The following RUNDC3B variants were observed in gnomAD, a reference collection of about 807,000 sequenced individuals.
RUNDC3B encodes RUN domain-containing protein 3B.
Under a neutral mutation model 58.4 loss-of-function variants are expected in RUNDC3B, and 33 were observed. The observed-to-expected ratio is 0.56, with a 90% confidence interval of 0.43 to 0.75. RUNDC3B has a LOEUF of 0.75. Ranked by LOEUF, RUNDC3B falls within the 30% of genes least tolerant of loss-of-function variation. RUNDC3B has a pLI of 0.00. For missense variants in RUNDC3B, 501 were observed against 535.7 expected (o/e 0.94, Z 0.64); for synonymous variants, 193 against 195.2 (o/e 0.99, Z 0.10).
At chr7:87,803,421 G>A (rs150720620) in intron 8 of RUNDC3B, among the ~76,000 whole-genome samples, 359 of 152,224 alleles carry the variant, frequency 2.4e-3, no homozygotes, top group African/African-American at 8.3e-3. Flanking sequence ...ACATGAAATA[G>A]CCAATTGATA....
intron 2 of RUNDC3B, among the ~76,000 whole-genome samples, chr7:87,689,513 C>T (rs1367566646): frequency 2.6e-5 from 4 of 151,958 alleles, no homozygotes; most frequent in African/African-American, 4.8e-5. Context: ...CTTTATTGTG[C>T]TAATATTACT....
chr7:87,739,619 A>G (rs981130059), intron 4 of RUNDC3B, among the ~76,000 whole-genome samples, 172 bp from the exon 5 acceptor site: 1 of 151,926 alleles, frequency 6.6e-6, no homozygotes. Flanking sequence ...TTGTCTCTTT[A>G]TTTTGGTCTA....
intron 2 of RUNDC3B, among the ~76,000 whole-genome samples, chr7:87,668,836 A>G (rs1446515104): frequency 6.6e-6 from 1 of 152,118 alleles, no homozygotes; most frequent in Non-Finnish European, 1.5e-5. Flanking sequence ...CTGTGATCCA[A>G]GAGTGTGTTT....
At chr7:87,760,229 A>G (rs1584129618) in intron 6 of RUNDC3B, among the ~76,000 whole-genome samples, 1 of 152,108 alleles carries the variant, frequency 6.6e-6, no homozygotes, top group Non-Finnish European at 1.5e-5. Context: ...TCAGTACTTC[A>G]GATATAACTA....
intron 2 of RUNDC3B, among the ~76,000 whole-genome samples, chr7:87,674,710 A>G (rs1203170555): frequency 6.6e-6 from 1 of 152,110 alleles, no homozygotes; most frequent in Non-Finnish European, 1.5e-5. Flanking sequence ...GAGGCATGAT[A>G]GGGCCCCCAG....
intron 4 of RUNDC3B, among the ~76,000 whole-genome samples, chr7:87,719,990 C>G (rs1283685357): frequency 8.9e-6 from 1 of 112,278 alleles, no homozygotes; most frequent in Non-Finnish European, 1.8e-5. Flanking sequence ...TGACTACATC[C>G]AAAAAAAAAA....
intron 3 of RUNDC3B, among the ~76,000 whole-genome samples, chr7:87,701,224 C>G (rs1168082724): frequency 6.6e-6 from 1 of 152,056 alleles, no homozygotes; most frequent in Non-Finnish European, 1.5e-5. Flanking sequence ...AACTTATAAA[C>G]ATAATTTTTT....
chr7:87,628,896 AGCG>A lies in RUNDC3B; in HGVS notation c.74_76del (p.Ser25_Ala26delinsThr). 7.7e-7 allele frequency: 1 copy of A among 1,304,556 alleles called. No homozygotes were observed. The allele number at this position is 1,304,556 out of a possible 1,614,324, so 80.8% of individuals were successfully genotyped here. ...CGGCGGAGGCGGCAAGAAAAGCCTGAGCGCCCGCAATGCTGCGGTGGAGAGGAG... is the reference window on the plus strand; with the variant it reads ...CGGCGGAGGCGGCAAGAAAAGCCTGACCCGCAATGCTGCGGTGGAGAGGAG... On this transcript the variant is annotated inframe_deletion, in exon 1 of 11. Coordinates refer to ENST00000394654, the MANE Select transcript of RUNDC3B (RefSeq NM_001134405.2).
intron 9 of RUNDC3B, among the ~76,000 whole-genome samples, chr7:87,811,944 C>T (rs1252346147): frequency 6.6e-6 from 1 of 152,168 alleles, no homozygotes; most frequent in Non-Finnish European, 1.5e-5. Flanking sequence ...TCTCGATGTA[C>T]ATTCATGTGC....
intron 2 of RUNDC3B, among the ~76,000 whole-genome samples, chr7:87,684,742 G>A (rs1339002295): frequency 4.2e-5 from 3 of 71,720 alleles, no homozygotes; most frequent in Non-Finnish European, 7.2e-5. Context: ...GTGAGACTCC[G>A]TCTCAAAAAA....
intron 8 of RUNDC3B, among the ~76,000 whole-genome samples, chr7:87,792,570 C>T (rs1835584912): frequency 6.6e-6 from 1 of 151,908 alleles, no homozygotes; most frequent in South Asian, 2.1e-4. Flanking sequence ...TTTTTGCAAA[C>T]TGTACAAACA....
At chr7:87,734,115 G>A (rs931348050) in intron 4 of RUNDC3B, among the ~76,000 whole-genome samples, 2 of 151,962 alleles carry the variant, frequency 1.3e-5, no homozygotes, top group Admixed American at 6.6e-5. Flanking sequence ...AACTAGGATG[G>A]GTATGTTCAA....
intron 2 of RUNDC3B, among the ~76,000 whole-genome samples, chr7:87,664,991 G>A (rs1199434180): frequency 2.0e-5 from 3 of 152,066 alleles, no homozygotes; most frequent in Non-Finnish European, 4.4e-5. Flanking sequence ...CACACAGTAA[G>A]CATCATATTC....
At chr7:87,758,727 G>T (rs1418993786) in intron 6 of RUNDC3B, among the ~76,000 whole-genome samples, 1 of 152,146 alleles carries the variant, frequency 6.6e-6, no homozygotes. Flanking sequence ...ACGTGAAAAA[G>T]TGTACAACGT....
chr7:87,646,516 C>G (rs1823019799), intron 1 of RUNDC3B, among the ~76,000 whole-genome samples: 1 of 152,046 alleles, frequency 6.6e-6, no homozygotes, highest in Non-Finnish European at 1.5e-5. Context: ...TTTTTACAAG[C>G]AGTAGATTAT....
intron 2 of RUNDC3B, among the ~76,000 whole-genome samples, chr7:87,661,760 A>G (rs1356910823): frequency 3.3e-5 from 5 of 152,010 alleles, no homozygotes; most frequent in Non-Finnish European, 7.4e-5. Context: ...TCTTTTAGGT[A>G]TATATCTAGC....
intron 2 of RUNDC3B, among the ~76,000 whole-genome samples, chr7:87,687,082 A>G (rs1827540690): frequency 1.3e-5 from 2 of 152,234 alleles, no homozygotes; most frequent in Non-Finnish European, 1.5e-5. Flanking sequence ...GTATAATTTA[A>G]TCTGCTAATT....
intron 6 of RUNDC3B, among the ~76,000 whole-genome samples, chr7:87,765,291 T>C (rs930210829): frequency 6.6e-6 from 1 of 151,984 alleles, no homozygotes; most frequent in Admixed American, 6.6e-5. Context: ...TTTGTCTCAG[T>C]TTCATTCAGT....
intron 4 of RUNDC3B, among the ~76,000 whole-genome samples, chr7:87,716,429 C>T (rs1435903137): frequency 6.6e-6 from 1 of 152,172 alleles, no homozygotes; most frequent in Non-Finnish European, 1.5e-5. Context: ...ACTGTTTGAA[C>T]CTCTTGGGAC....
Sources: gnomAD v4.1 joint callset for allele counts (sites outside exome capture counted in the v4.1 genomes callset) on GRCh38, gnomAD v4.1.1 for gene constraint, MANE v1.5 for transcripts, NCBI Gene and HGNC (gene_info 2026-07-23, HGNC 2026-07-21) for gene names.